Variants in PHACTR2 observed in about 807,000 individuals in gnomAD.
PHACTR2 encodes phosphatase and actin regulator 2, also known as chromosome 6 open reading frame 56.
A neutral mutation model predicts 76.0 loss-of-function variants in PHACTR2; 30 were observed. The observed-to-expected ratio is 0.39, with a 90% confidence interval of 0.30 to 0.54. The LOEUF (loss-of-function observed/expected upper bound fraction) is 0.54, where lower values mean the gene tolerates loss of function less well. PHACTR2 is among the 20% of genes least tolerant of loss of function. The pLI, the probability that PHACTR2 is intolerant of heterozygous loss-of-function variation, is 0.61. For missense variants in PHACTR2, 696 were observed against 781.1 expected (o/e 0.89, Z 1.30); for synonymous variants, 292 against 292.5 (o/e 1.00, Z 0.02).
chr6:143,683,371 G>C lies in PHACTR2; in HGVS notation c.46+5162G>C, dbSNP rs1266709229. ...TTTTTATATTCTTTTTTTAGTCCAA[G>C]AATTACATTACTCTGGCTCTATTGT... On this transcript the variant is annotated intron_variant, in intron 1 of 12. Coordinates refer to ENST00000440869, the MANE Select transcript of PHACTR2 (RefSeq NM_001100164.2). This position sits in a 1 kb window ranked among gnomAD's most constrained non-coding sequence, Gnocchi z 4.1. Among the ~76,000 whole-genome samples the C allele has an allele frequency of 6.6e-6, 1 of 152,072 alleles. No individual in the cohort carries two copies. The highest frequency in any genetic ancestry group is 2.4e-5 in the African/African-American group (1 of 41,396).
At chr6:143,814,926 G>T (rs888214472) in intron 12 of PHACTR2, among the ~76,000 whole-genome samples, 1 of 152,042 alleles carries the variant, frequency 6.6e-6, no homozygotes, top group African/African-American at 2.4e-5. Context: ...TTAAAGCAAT[G>T]ATCTCATTCT....
chr6:143,572,189 C>T lies in PHACTR2; in HGVS notation c.217+34982C>T, dbSNP rs187158301. On this transcript the variant is annotated intron_variant, in intron 1 of 11. Coordinates refer to the PHACTR2 transcript ENST00000367584. The stretch of plus-strand genomic sequence containing the variant: ...TTTTGCTAAGAAATTCTTTTGGCCC[C>T]GTGTAAATATCTTCTGCAGTTTAGC... Among the ~76,000 whole-genome samples the T allele has an allele frequency of 3.9e-5, 6 of 152,228 alleles. No individual in the cohort carries two copies. In the East Asian group the frequency reaches 1.2e-3, roughly 29 times the overall value.
rs1775612189 is a variant in PHACTR2, at chr6:143,585,029, G to T, written c.217+47822G>T. ...GGCTTGGCTGTCATACCTTCTATAG[G>T]CTTGGCTGTCATAACTCAAGTTGTT... On this transcript the variant is annotated intron_variant, in intron 1 of 11. Coordinates refer to the PHACTR2 transcript ENST00000367584. The surrounding 1 kb of genome is among the most constrained non-coding windows in gnomAD (Gnocchi z 5.2). 6.6e-6 allele frequency among the ~76,000 whole-genome samples: 1 copy of T among 151,450 alleles called. No individual in the cohort carries two copies. Among genetic ancestry groups the T allele is most frequent in the Non-Finnish European group, 1.5e-5 (1 of 67,926 alleles).
In PHACTR2 at chr6:143,827,566, CT is replaced by C. The variant is rs1234766121; in HGVS notation, c.*3878del. On this transcript the variant is annotated 3_prime_UTR_variant, in exon 13 of 13. Coordinates refer to ENST00000440869, the MANE Select transcript of PHACTR2 (RefSeq NM_001100164.2). ...ATATATGAATTCATGTCATTTACCC[CT>C]GAGTATGGTAGAATTGTTAAAGCAT... is the stretch of plus-strand genomic sequence containing the variant. The C allele has an allele frequency of 6.6e-6, 1 of 152,032 alleles. No individual in the cohort carries two copies. The highest frequency in any genetic ancestry group is 1.5e-5 in the Non-Finnish European group (1 of 68,012). The allele number at this position is 152,032 out of a possible 1,614,324, so 9.4% of individuals were successfully genotyped here. A position where few individuals can be genotyped will look rare whatever the true frequency, so the allele number is the denominator to read the frequency against.
chr6:143,542,076 C>T (rs1781176323), intron 1 of PHACTR2, among the ~76,000 whole-genome samples: 1 of 152,226 alleles, frequency 6.6e-6, no homozygotes, highest in Admixed American at 6.5e-5. Context: ...CTGTCTCTCC[C>T]TGGTCAGGGA....
chr6:143,778,609 A>T (rs991728300), intron 9 of PHACTR2, among the ~76,000 whole-genome samples: 2 of 152,118 alleles, frequency 1.3e-5, no homozygotes, highest in Admixed American at 1.3e-4. Flanking sequence ...TGCTTTGCTG[A>T]GGAAGAGTAG....
Position 143,764,300 on chromosome 6 carries a change from C to T in PHACTR2, c.695-961C>T, listed in dbSNP as rs1250308167. On this transcript the variant is annotated intron_variant, in intron 5 of 12. Transcript: ENST00000440869. This position sits in a 1 kb window ranked among gnomAD's most constrained non-coding sequence, Gnocchi z 4.7. ...TTTGGGAGGCTGAGATGGGTGAATCCCTTGAGCCCAGGAGTTCAAGACCAG... is the reference window on the plus strand; with the variant it reads ...TTTGGGAGGCTGAGATGGGTGAATCTCTTGAGCCCAGGAGTTCAAGACCAG... 3.3e-5 allele frequency among the ~76,000 whole-genome samples: 5 copies of T among 151,998 alleles called. No individual in the cohort carries two copies. Among genetic ancestry groups the T allele is most frequent in the Non-Finnish European group, 7.4e-5 (5 of 67,992 alleles).
At chr6:143,749,445 A>T (rs1297146950) in intron 3 of PHACTR2, among the ~76,000 whole-genome samples, 1 of 152,200 alleles carries the variant, frequency 6.6e-6, no homozygotes, top group Non-Finnish European at 1.5e-5. Flanking sequence ...AGCTTGGTTC[A>T]TGCTATTTTG....
At chr6:143,604,082 G>A (rs1775840895), upstream of PHACTR2, among the ~76,000 whole-genome samples, 1 of 131,974 alleles carries the variant, frequency 7.6e-6, no homozygotes, top group Non-Finnish European at 1.6e-5. Flanking sequence ...TGGTGACAGA[G>A]AGAGACTCTG....
rs1374492184 is a variant in PHACTR2 at position 143,597,001 on chromosome 6, G to A, written c.217+59794G>A. 6.6e-6 allele frequency among the ~76,000 whole-genome samples: 1 copy of A among 152,172 alleles called. No homozygotes were observed. Among genetic ancestry groups the A allele is most frequent in the East Asian group, 1.9e-4 (1 of 5,194 alleles). ...CAACAGCCCTATTGCTGCCAGCACAGCCCTCCTGCCTCCTTCCCTCCTGCG... is the reference window on the plus strand; with the variant it reads ...CAACAGCCCTATTGCTGCCAGCACAACCCTCCTGCCTCCTTCCCTCCTGCG... On this transcript the variant is annotated intron_variant, in intron 1 of 11. Transcript: ENST00000367584. This position sits in a 1 kb window ranked among gnomAD's most constrained non-coding sequence, Gnocchi z 5.7.
In PHACTR2 at chr6:143,831,025, T is replaced by G. The variant is rs1776657222; in HGVS notation, c.*7336T>G. ...TTATTTAAAATGTCTGTCTAAAGAA[T>G]TACTGCTCTTAAAAGAAACTTCCAG... is the stretch of plus-strand genomic sequence containing the variant. On this transcript the variant is annotated 3_prime_UTR_variant, in exon 13 of 13. Transcript: ENST00000440869. The surrounding 1 kb of genome is among the most constrained non-coding windows in gnomAD (Gnocchi z 5.2). 1 of 152,262 alleles carries G rather than the reference T, an allele frequency of 6.6e-6. No individual in the cohort carries two copies. The highest frequency in any genetic ancestry group is 6.5e-5 in the Admixed American group (1 of 15,290). 9.4% of individuals were successfully genotyped at this position (152,262 alleles called of 1,614,324 possible). A position where few individuals can be genotyped will look rare whatever the true frequency, so the allele number is the denominator to read the frequency against.
chr6:143,817,725 A>C (rs977920666), intron 12 of PHACTR2, among the ~76,000 whole-genome samples: 2 of 152,238 alleles, frequency 1.3e-5, no homozygotes, highest in Non-Finnish European at 2.9e-5. Flanking sequence ...CCTGGAGGAT[A>C]TTATGTTATG....
Position 143,788,862 on chromosome 6 carries a change from T to G in PHACTR2, c.1797T>G (p.Tyr599Ter), listed in dbSNP as rs1269807884. ...EYVEVTDSPD[Y>*]DRRADKPWAR... The stretch of plus-strand genomic sequence containing the variant: ...TAGAAGTCACGGATTCTCCTGACTA[T>G]GACCGCCGAGCAGACAAGCCCTGGG... The change falls in exon 11 of 13, where the codon TAT becomes TAG. Residue 599 changes from tyrosine to a stop codon, truncating the protein, a stop_gained. Coordinates refer to ENST00000440869, the MANE Select transcript of PHACTR2 (RefSeq NM_001100164.2). LOFTEE classifies it high-confidence loss of function. The G allele has an allele frequency of 6.2e-7, 1 of 1,613,842 alleles. No individual in the cohort carries two copies. Among genetic ancestry groups the G allele is most frequent in the Admixed American group, 1.7e-5 (1 of 60,030 alleles).
chr6:143,565,143 G>A (rs1395107313), intron 1 of PHACTR2, among the ~76,000 whole-genome samples: 1 of 152,180 alleles, frequency 6.6e-6, no homozygotes, highest in African/African-American at 2.4e-5. Context: ...ATTTTAATGA[G>A]CACCTACTGC....
chr6:143,639,683 G>A lies in PHACTR2; in HGVS notation c.13+31361G>A, dbSNP rs1393154712. Among the ~76,000 whole-genome samples, 1 of 152,140 alleles carries A rather than the reference G, an allele frequency of 6.6e-6. No homozygotes were observed. The highest frequency in any genetic ancestry group is 1.5e-5 in the Non-Finnish European group (1 of 68,030). On this transcript the variant is annotated intron_variant, in intron 1 of 11. Transcript: ENST00000305766. This position sits in a 1 kb window ranked among gnomAD's most constrained non-coding sequence, Gnocchi z 5.0. ...GGATAGCGATGGTTTGAGCAAGACAGTTGACAAGCTTGATGTAATTGATCA... is the reference window on the plus strand; with the variant it reads ...GGATAGCGATGGTTTGAGCAAGACAATTGACAAGCTTGATGTAATTGATCA...
In PHACTR2 at chr6:143,712,102, C is replaced by G; in HGVS notation, c.133C>G (p.Leu45Val). The G allele has an allele frequency of 6.3e-7, 1 of 1,595,210 alleles. No homozygotes were observed. Among genetic ancestry groups the G allele is most frequent in the Non-Finnish European group, 8.5e-7 (1 of 1,173,468 alleles). ...ACCTCCCTTCAAAAGAAAGGGGAAA[C>G]TATCCACCATTGGTAAAATCTTTAA... ...QTPPFKRKGK[L>V]STIGKIFKPW... The change falls in exon 2 of 13, where the codon CTA becomes GTA. Residue 45 changes from leucine (L) to valine (V), a missense_variant. Leu to Val is a conservative substitution (Grantham distance 32). Transcript: ENST00000440869.
intron 1 of PHACTR2, among the ~76,000 whole-genome samples, chr6:143,600,639 A>G (rs968295930): frequency 7.2e-5 from 11 of 152,242 alleles, no homozygotes; most frequent in African/African-American, 1.9e-4. Flanking sequence ...TGGAATTTAG[A>G]AAGAGGCCTG....
chr6:143,600,119 G>A (rs1265608504), intron 1 of PHACTR2, among the ~76,000 whole-genome samples: 1 of 152,242 alleles, frequency 6.6e-6, no homozygotes, highest in African/African-American at 2.4e-5. Context: ...CGGCCGGCAT[G>A]AGCCTGCCAG....
At chr6:143,720,801 C>T (rs1296015393) in intron 2 of PHACTR2, among the ~76,000 whole-genome samples, 4 of 152,002 alleles carry the variant, frequency 2.6e-5, no homozygotes, top group Admixed American at 6.6e-5. Context: ...TTTGTGGAGA[C>T]GAGATCTCGC....
Sources: gnomAD v4.1 joint callset for allele counts (sites outside exome capture counted in the v4.1 genomes callset) on GRCh38, gnomAD v4.1.1 for gene constraint, Gnocchi (gnomAD v3.1) non-coding constraint, MANE v1.5 for transcripts, NCBI Gene and HGNC (gene_info 2026-07-23, HGNC 2026-07-21) for gene names.